Variants in PCDH15 observed in about 807,000 individuals in gnomAD.
PCDH15 encodes protocadherin related 15, also known as protocadherin-15.
PCDH15 carries 129 observed loss-of-function variants against 178.5 expected under a neutral mutation model. The observed-to-expected ratio is 0.72, with a 90% confidence interval of 0.63 to 0.84. PCDH15 has a LOEUF of 0.84. Among genes scored for constraint, PCDH15 ranks in the 40% least tolerant of loss-of-function variants. PCDH15 has a pLI of 0.00. For synonymous variants in PCDH15, 800 were observed against 732.0 expected (o/e 1.09, Z -1.50); for missense variants, 2,230 against 2,099.9 (o/e 1.06, Z -1.21).
chr10:54,512,920 G>A (rs1399007642), intron 3 of PCDH15, among the ~76,000 whole-genome samples: 1 of 151,896 alleles, frequency 6.6e-6, no homozygotes. Flanking sequence ...ACTAAAGCGA[G>A]CCATTTTCCA....
intron 2 of PCDH15, among the ~76,000 whole-genome samples, chr10:55,074,181 A>C (rs1486289408): frequency 1.3e-5 from 2 of 152,286 alleles, no homozygotes; most frequent in Admixed American, 6.5e-5. Context: ...ATACACGTGC[A>C]CGTATCTTTG....
At chr10:54,634,238 A>G (rs907604493) in intron 2 of PCDH15, among the ~76,000 whole-genome samples, 2 of 148,820 alleles carry the variant, frequency 1.3e-5, no homozygotes, top group African/African-American at 4.8e-5. Flanking sequence ...TACCAAAAAC[A>G]ATACTGCATT....
chr10:54,403,488 T>C (rs1354714573), intron 3 of PCDH15, among the ~76,000 whole-genome samples: 1 of 152,034 alleles, frequency 6.6e-6, no homozygotes, highest in Admixed American at 6.6e-5. Flanking sequence ...GCCAACATTA[T>C]ACTGAATTGG....
At chr10:54,647,298 A>C (rs1427639168) in intron 2 of PCDH15, among the ~76,000 whole-genome samples, 2 of 152,094 alleles carry the variant, frequency 1.3e-5, no homozygotes, top group East Asian at 3.8e-4. Flanking sequence ...TAAAGTAGTG[A>C]AACTCACAGA....
At chr10:55,418,211 T>C (rs769593497) in intron 2 of PCDH15, among the ~76,000 whole-genome samples, 1 of 151,824 alleles carries the variant, frequency 6.6e-6, no homozygotes, top group African/African-American at 2.4e-5. Context: ...CTTCAACATT[T>C]ATAGCCAACC....
chr10:55,234,234 G>C (rs2246939), intron 1 of PCDH15, among the ~76,000 whole-genome samples: 64,823 of 151,778 alleles, frequency 0.43, 13,922 homozygotes, highest in South Asian at 0.48. Context: ...GTTAATAGTT[G>C]AAATCTAACT....
At chr10:54,712,293 G>A (rs1371386723) in intron 1 of PCDH15, among the ~76,000 whole-genome samples, 1 of 151,798 alleles carries the variant, frequency 6.6e-6, no homozygotes, top group African/African-American at 2.4e-5. Context: ...TGTTCTCCAA[G>A]TTCAAACAAA....
intron 5 of PCDH15, among the ~76,000 whole-genome samples, chr10:54,364,257 C>T (rs1359286343): frequency 6.6e-6 from 1 of 150,774 alleles, no homozygotes; most frequent in East Asian, 1.9e-4. Context: ...TTGCTGAACT[C>T]ACTTTTTAAC....
At chr10:54,215,124 T>C (rs1194615340) in intron 9 of PCDH15, among the ~76,000 whole-genome samples, 2 of 152,194 alleles carry the variant, frequency 1.3e-5, no homozygotes, top group East Asian at 3.9e-4. Flanking sequence ...ATATAACTAA[T>C]CATCAATAAC....
chr10:55,245,976 T>A (rs1841669135), intron 1 of PCDH15, among the ~76,000 whole-genome samples: 1 of 152,198 alleles, frequency 6.6e-6, no homozygotes, highest in Non-Finnish European at 1.5e-5. Flanking sequence ...AATCAGTACT[T>A]GGCTAAATTA....
chr10:54,965,789 AATT>A (rs983649258), intron 2 of PCDH15, among the ~76,000 whole-genome samples: 5 of 151,050 alleles, frequency 3.3e-5, no homozygotes, highest in Admixed American at 6.6e-5. Flanking sequence ...AAAATAAACT[AATT>A]AATATGAAAA....
At chr10:54,694,770 A>G (rs980002290) in intron 1 of PCDH15, among the ~76,000 whole-genome samples, 14 of 152,126 alleles carry the variant, frequency 9.2e-5, no homozygotes, top group African/African-American at 2.4e-4. Context: ...CCCTGTTTCC[A>G]GAGGCACACA....
At chr10:54,272,663 C>T (rs2058117508) in intron 8 of PCDH15, among the ~76,000 whole-genome samples, 1 of 152,122 alleles carries the variant, frequency 6.6e-6, no homozygotes, top group Non-Finnish European at 1.5e-5. Context: ...TTTTCTAAAA[C>T]TGAGCATACA....
intron 8 of PCDH15, among the ~76,000 whole-genome samples, chr10:54,278,739 T>A (rs538433820): frequency 2.6e-5 from 4 of 151,710 alleles, no homozygotes; most frequent in Admixed American, 2.6e-4. Flanking sequence ...TCCATCTTTA[T>A]GAGGAGCCTG....
chr10:54,907,867 T>A (rs540999803), intron 2 of PCDH15, among the ~76,000 whole-genome samples: 59 of 152,302 alleles, frequency 3.9e-4, no homozygotes, highest in Admixed American at 9.2e-4. Context: ...AGCTGGTCTT[T>A]CTCAATAAAA....
intron 21 of PCDH15, among the ~76,000 whole-genome samples, chr10:53,986,279 C>T (rs1410489826): frequency 1.3e-5 from 2 of 152,142 alleles, no homozygotes; most frequent in Non-Finnish European, 1.5e-5. Flanking sequence ...TCAGATATCG[C>T]CTCATGCTTT....
intron 2 of PCDH15, chr10:54,599,860 G>A: frequency 1.5e-6 from 1 of 659,880 alleles, no homozygotes; most frequent in Non-Finnish European, 2.7e-6. Context: ...AGAGGCTGAA[G>A]GTGAAGTAGA....
At chr10:55,132,710 CCATT>C (rs548574955) in intron 2 of PCDH15, among the ~76,000 whole-genome samples, 60 of 152,138 alleles carry the variant, frequency 3.9e-4, no homozygotes, top group Middle Eastern at 3.4e-3. Context: ...AAAAATACAT[CCATT>C]CAAATAATTC....
chr10:55,539,185 A>T (rs952638615), intron 2 of PCDH15, among the ~76,000 whole-genome samples: 1 of 151,982 alleles, frequency 6.6e-6, no homozygotes, highest in Non-Finnish European at 1.5e-5. Context: ...AACTCATAAT[A>T]AATATTAACC....
Sources: gnomAD v4.1 joint callset for allele counts (sites outside exome capture counted in the v4.1 genomes callset) on GRCh38, gnomAD v4.1.1 for gene constraint, MANE v1.5 for transcripts, NCBI Gene and HGNC (gene_info 2026-07-23, HGNC 2026-07-21) for gene names.